FAAH2: variants seen among roughly 807,000 people sequenced by gnomAD.
FAAH2 encodes the protein fatty acid amide hydrolase 2, also known as fatty-acid amide hydrolase 2.
Under a neutral mutation model 36.9 loss-of-function variants are expected in FAAH2, and 60 were observed. That is an observed-to-expected ratio of 1.63 (90% confidence interval 1.32 to 2.02). The LOEUF (loss-of-function observed/expected upper bound fraction) is 2.02. Ranked by LOEUF, FAAH2 falls within the 30% of genes most tolerant of loss-of-function variation. The pLI, the probability that FAAH2 is intolerant of heterozygous loss-of-function variation, is 0.00. For synonymous variants in FAAH2, 214 were observed against 143.8 expected (o/e 1.49, Z -3.49); for missense variants, 689 against 397.5 (o/e 1.73, Z -6.23).
At chrX:57,165,903 C>T in the FAAH2 span, among the ~76,000 whole-genome samples, 23 of 109,976 alleles carry the variant, frequency 2.1e-4, no homozygotes, top group East Asian at 1.7e-3. Context: ...TTGCTTTTTC[C>T]AAGACCACCT....
chrX:57,392,870 A>G, intron 7 of FAAH2: 3 of 784,042 alleles, frequency 3.8e-6, no homozygotes, highest in Admixed American at 4.4e-5. Flanking sequence ...AGATGGGGAG[A>G]TTCCCAAAGC....
At chrX:57,166,855 T>C in the FAAH2 span, among the ~76,000 whole-genome samples, 83 of 112,015 alleles carry the variant, frequency 7.4e-4, no homozygotes, top group African/African-American at 2.6e-3. Context: ...AGATAAAAAC[T>C]GACTTGATCT....
chrX:57,401,763 G>A (rs768454009), intron 7 of FAAH2, among the ~76,000 whole-genome samples: 1 of 111,307 alleles, frequency 9.0e-6, no homozygotes, highest in East Asian at 2.8e-4. Context: ...TCCTTCTGTT[G>A]CCCAGGCTTC....
chrX:57,246,733 G>T, the FAAH2 span, among the ~76,000 whole-genome samples: 23,447 of 111,265 alleles, frequency 0.21, 2,269 homozygotes, highest in Middle Eastern at 0.55. Flanking sequence ...TAAAAGTGTG[G>T]CATTAAAAGT....
intron 10 of FAAH2, among the ~76,000 whole-genome samples, chrX:57,449,772 T>C (rs1377640880): frequency 9.0e-6 from 1 of 111,005 alleles, no homozygotes; most frequent in Non-Finnish European, 1.9e-5. Flanking sequence ...GTTCAAGCGA[T>C]TCTCCTACCT....
At chrX:57,473,540 C>A (rs1480388273) in intron 10 of FAAH2, among the ~76,000 whole-genome samples, 2 of 111,229 alleles carry the variant, frequency 1.8e-5, no homozygotes, top group African/African-American at 6.5e-5. Flanking sequence ...ACTACTACGT[C>A]CATTTGATCT....
At chrX:57,403,255 T>C (rs2055483621) in intron 7 of FAAH2, among the ~76,000 whole-genome samples, 1 of 112,267 alleles carries the variant, frequency 8.9e-6, no homozygotes. Flanking sequence ...CAATGGACAT[T>C]AGTCTTACAG....
chrX:57,405,957 T>A (rs1340861639), intron 7 of FAAH2, among the ~76,000 whole-genome samples: 2 of 109,085 alleles, frequency 1.8e-5, no homozygotes. Context: ...AAAGTGTTCA[T>A]TTTGGTTAGG....
At position 57,337,592 on chromosome X, in the gene FAAH2, T is replaced by C. The variant is rs745514003; in HGVS notation, c.623-3679T>C. ...TTGGTTTCATCCCTACGATGCAAGT[T>C]TGGCTGAACATATGCAAATCAATAA... On this transcript the variant is annotated intron_variant, in intron 4 of 10. Transcript: ENST00000374900. Among the ~76,000 whole-genome samples the C allele has an allele frequency of 1.3e-3, 145 of 112,220 alleles. 1 individual carries two copies. The highest frequency in any genetic ancestry group is 4.6e-3 in the Middle Eastern group (1 of 218).
chrX:57,431,518 C>T lies in FAAH2; in HGVS notation c.997-400C>T, dbSNP rs1232938450. Among the ~76,000 whole-genome samples, 8 of 111,345 alleles carry T rather than the reference C, an allele frequency of 7.2e-5. No individual in the cohort carries two copies. The Admixed American group carries it at 7.7e-4, about 11-fold the overall frequency. On this transcript the variant is annotated intron_variant, in intron 7 of 10. Coordinates refer to ENST00000374900, the MANE Select transcript of FAAH2 (RefSeq NM_174912.4). The stretch of plus-strand genomic sequence containing the variant: ...ACACAACAGTCCCTCAGACTGTCCC[C>T]AGAGAAGCTAGAACTTTACAAGCAA...
chrX:57,153,408 T>G, the FAAH2 span, among the ~76,000 whole-genome samples: 1 of 112,104 alleles, frequency 8.9e-6, no homozygotes. Context: ...ATTCATTGTA[T>G]TATTTGTTGC....
chrX:57,364,952 G>T (rs776397012), intron 5 of FAAH2, among the ~76,000 whole-genome samples: 5 of 111,512 alleles, frequency 4.5e-5, no homozygotes, highest in African/African-American at 1.6e-4. Context: ...AATTAGTTTG[G>T]ATGTGTTTTA....
chrX:57,148,234 TG>T, the FAAH2 span, among the ~76,000 whole-genome samples: 2 of 111,768 alleles, frequency 1.8e-5, no homozygotes, highest in African/African-American at 6.5e-5. Context: ...AGGATTGACT[TG>T]GTGATGCAGG....
chrX:57,263,376 T>A, the FAAH2 span, among the ~76,000 whole-genome samples: 1 of 111,650 alleles, frequency 9.0e-6, no homozygotes, highest in Non-Finnish European at 1.9e-5. Context: ...TACTTAGTTG[T>A]AAATATAACA....
At chrX:57,467,666 C>T (rs1243043246) in intron 10 of FAAH2, among the ~76,000 whole-genome samples, 3 of 112,135 alleles carry the variant, frequency 2.7e-5, no homozygotes, top group Non-Finnish European at 5.6e-5. Context: ...TAGACTCCAC[C>T]TCTGGGGGCA....
chrX:57,418,646 G>A (rs1381461234), intron 7 of FAAH2, among the ~76,000 whole-genome samples: 1 of 110,347 alleles, frequency 9.1e-6, no homozygotes, highest in Non-Finnish European at 1.9e-5. Context: ...GATCTGGCTG[G>A]GAGCTGCAGA....
intron 5 of FAAH2, among the ~76,000 whole-genome samples, chrX:57,359,706 T>C (rs1158315217): frequency 9.0e-6 from 1 of 111,699 alleles, no homozygotes; most frequent in Non-Finnish European, 1.9e-5. Flanking sequence ...GAATTAGAAG[T>C]GATTTATAAA....
intron 5 of FAAH2, among the ~76,000 whole-genome samples, chrX:57,375,019 C>T (rs1484358025): frequency 9.0e-6 from 1 of 110,790 alleles, no homozygotes; most frequent in Admixed American, 9.7e-5. Context: ...TTTAATGACA[C>T]AAGTCATTAA....
At chrX:57,270,387 T>C in the FAAH2 span, among the ~76,000 whole-genome samples, 1 of 111,904 alleles carries the variant, frequency 8.9e-6, no homozygotes, top group Non-Finnish European at 1.9e-5. Context: ...ATCATCCTGA[T>C]AGCAAAACCT....
Sources: allele counts gnomAD v4.1 joint callset (sites outside exome capture counted in the v4.1 genomes callset), GRCh38; gene constraint gnomAD v4.1.1; transcripts MANE v1.5; gene names NCBI Gene and HGNC (gene_info 2026-07-23, HGNC 2026-07-21).